Variants in RIBC2 observed in about 807,000 individuals in gnomAD.
The protein encoded by RIBC2 is RIB43A-like with coiled-coils protein 2.
Under a neutral mutation model 44.3 loss-of-function variants are expected in RIBC2, and 40 were observed. The ratio of observed to expected loss-of-function variants is 0.90; its 90% CI spans 0.70 to 1.18. The LOEUF (loss-of-function observed/expected upper bound fraction) is 1.18, where lower values mean the gene tolerates loss of function less well. Among genes scored for constraint, RIBC2 ranks in the 50% most tolerant of loss-of-function variants. RIBC2 has a pLI of 0.00. For synonymous variants in RIBC2, 171 were observed against 175.0 expected, an observed-to-expected ratio of 0.98 and a Z score of 0.18; for missense variants, 459 against 485.5, an observed-to-expected ratio of 0.95 and a Z score of 0.51.
intron 5 of RIBC2, among the ~76,000 whole-genome samples, chr22:45,428,210 A>G (rs1237085769): frequency 6.6e-6 from 1 of 152,216 alleles, no homozygotes; most frequent in East Asian, 1.9e-4. Flanking sequence ...AGGAAGGAGC[A>G]TGTTTGGCAG....
Position 45,430,898 on chromosome 22 carries a change from A to G in RIBC2, c.904-2A>G, listed in dbSNP as rs773395777. ...GTGGTGAGCCGCCTCTTTTCCTTCCAGAGGCTCCAGGAAGAAAAGCGCCAG... is the reference window on the plus strand; with the variant it reads ...GTGGTGAGCCGCCTCTTTTCCTTCCGGAGGCTCCAGGAAGAAAAGCGCCAG... On this transcript the variant is annotated splice_acceptor_variant, in intron 5 of 6. Transcript: ENST00000614167. LOFTEE classifies it high-confidence loss of function. 110 of 1,576,610 alleles carry G rather than the reference A, an allele frequency of 7.0e-5. No individual in the cohort carries two copies. Among genetic ancestry groups the G allele is most frequent in the Non-Finnish European group, 8.4e-5 (98 of 1,160,400 alleles).
rs546305357 is a variant in RIBC2 at position 45,431,712 on chromosome 22, G to A, written c.1071-572G>A. ...GGGCTGGGCTCGGTGGCTCACGCCT[G>A]TAATCCCAGCACTTTGGGAGGCTGA... On this transcript the variant is annotated intron_variant, in intron 6 of 6. Transcript: ENST00000614167. Among the ~76,000 whole-genome samples the A allele has an allele frequency of 2.6e-5, 4 of 152,326 alleles. No individual in the cohort carries two copies. In the East Asian group the frequency reaches 7.7e-4, roughly 29 times the overall value.
rs200207263 is a variant in RIBC2, at chr22:45,421,580, TTAA to T, written c.557-698_557-696del. ...AATAGTATTATTAATAATAGTATTATTAATAATAATAATAGTATTATTAATAAT... is the reference window on the plus strand; with the variant it reads ...AATAGTATTATTAATAATAGTATTATTAATAATAATAGTATTATTAATAAT... On this transcript the variant is annotated intron_variant, in intron 3 of 6. Transcript: ENST00000614167. Among the ~76,000 whole-genome samples, 214 of 27,754 alleles carry T rather than the reference TTAA, an allele frequency of 7.7e-3. 4 individuals carry two copies. In the Middle Eastern group the frequency reaches 0.12, roughly 15 times the overall value. 18.2% of individuals were successfully genotyped at this position (27,754 alleles called of 152,430 possible).
chr22:45,417,470 A>T, intron 2 of RIBC2, 132 bp from the exon 3 acceptor site: 1 of 641,876 alleles, frequency 1.6e-6, no homozygotes, highest in Admixed American at 3.0e-5. Flanking sequence ...AGATGGTTGG[A>T]GGCCAGGAGA....
At chr22:45,425,865 C>A in intron 4 of RIBC2, 83 bp from the exon 5 acceptor site, 1 of 1,190,636 alleles carries the variant, frequency 8.4e-7, no homozygotes, top group Non-Finnish European at 1.2e-6. Flanking sequence ...CCTCGAGGGC[C>A]CCCAGTGAGA....
At position 45,413,862 on chromosome 22, in the gene RIBC2, G is replaced by C; in HGVS notation, c.-25G>C. 6.5e-7 allele frequency: 1 copy of C among 1,532,876 alleles called. No homozygotes were observed. Among genetic ancestry groups the C allele is most frequent in the African/African-American group, 1.4e-5 (1 of 72,540 alleles). 95.0% of individuals were successfully genotyped at this position (1,532,876 alleles called of 1,614,324 possible). A position where few individuals can be genotyped will look rare whatever the true frequency, so the allele number is the denominator to read the frequency against. On this transcript the variant is annotated 5_prime_UTR_variant, in exon 1 of 7. Transcript: ENST00000614167. ...GTCGCCTGTTCTCCTGATCCTGCGTGTTCTAAAAACCCCTTAGGCTTTCCA... is the reference window on the plus strand; with the variant it reads ...GTCGCCTGTTCTCCTGATCCTGCGTCTTCTAAAAACCCCTTAGGCTTTCCA...
In RIBC2 at chr22:45,421,520, A is replaced by ATAGTATTATTAT. The variant is rs2087479962; in HGVS notation, c.557-768_557-767insGTATTATTATTA. 1.1e-4 allele frequency among the ~76,000 whole-genome samples: 4 copies of ATAGTATTATTAT among 37,714 alleles called. 1 individual carries two copies. The African/African-American group carries it at 1.2e-3, about 11-fold the overall frequency. 24.7% of individuals were successfully genotyped at this position (37,714 alleles called of 152,430 possible). On this transcript the variant is annotated intron_variant, in intron 3 of 6. Coordinates refer to ENST00000614167, the MANE Select transcript of RIBC2 (RefSeq NM_015653.5). ...ATTATTAATAATAGTATTATTAATA[A>ATAGTATTATTAT]TAATAATAGTATTATTAATAATATT...
At chr22:45,419,358 A>G (rs147224420) in intron 3 of RIBC2, among the ~76,000 whole-genome samples, 70 of 152,274 alleles carry the variant, frequency 4.6e-4, no homozygotes, top group Non-Finnish European at 8.7e-4. Context: ...GCCCCAGCCC[A>G]GGTAATCTTG....
Position 45,426,093 on chromosome 22 carries a change from T to C in RIBC2, c.821T>C (p.Val274Ala), listed in dbSNP as rs2087531898. Residue 274 changes from valine to alanine, a missense_variant, in exon 5 of 7, where the codon GTC becomes GCC. Val to Ala is a moderately conservative substitution (Grantham distance 64, BLOSUM62 0). Transcript: ENST00000614167. ...AGCTCCTTCGGGCCCCACCGCGTGG[T>C]CCCTGACCGCTGGAAGGGCATGACC... ...AASSFGPHRV[V>A]PDRWKGMTQE... 6.2e-7 allele frequency: 1 copy of C among 1,613,766 alleles called. No individual in the cohort carries two copies. Among genetic ancestry groups the C allele is most frequent in the Non-Finnish European group, 8.5e-7 (1 of 1,179,990 alleles).
intron 4 of RIBC2, among the ~76,000 whole-genome samples, chr22:45,423,766 T>C (rs1001573210): frequency 6.6e-6 from 1 of 152,136 alleles, no homozygotes; most frequent in Non-Finnish European, 1.5e-5. Flanking sequence ...CCCAGTGAGC[T>C]GCAAAGGTCT....
intron 3 of RIBC2, among the ~76,000 whole-genome samples, chr22:45,421,289 A>G (rs9306477): frequency 0.62 from 92,795 of 148,814 alleles, 31,456 homozygotes; most frequent in African/African-American, 0.9. Flanking sequence ...GCGAGACTCC[A>G]TGTCAAATAA....
At chr22:45,414,121 G>A (rs2087392420) in intron 1 of RIBC2, 106 bp downstream of exon 1, 1 of 1,492,596 alleles carries the variant, frequency 6.7e-7, no homozygotes, top group Admixed American at 2.3e-5. Flanking sequence ...TGAGCCAGGA[G>A]GCAGCAAACG....
At chr22:45,427,661 G>C (rs1452121139) in intron 5 of RIBC2, among the ~76,000 whole-genome samples, 1 of 152,226 alleles carries the variant, frequency 6.6e-6, no homozygotes, top group East Asian at 1.9e-4. Flanking sequence ...TTTTGAGACA[G>C]TCTCACTCTA....
chr22:45,428,440 G>T (rs1438084779), intron 5 of RIBC2, among the ~76,000 whole-genome samples: 1 of 152,190 alleles, frequency 6.6e-6, no homozygotes, highest in African/African-American at 2.4e-5. Flanking sequence ...GCAGTAGAGG[G>T]GGAAATTGAT....
chr22:45,432,258 T>C, intron 6 of RIBC2, 26 bp from the exon 7 acceptor site: 1 of 1,153,380 alleles, frequency 8.7e-7, no homozygotes, highest in Non-Finnish European at 1.2e-6. Context: ...TTTGCTGACC[T>C]TTTTTTTTTC....
At position 45,418,543 on chromosome 22, in the gene RIBC2, G is replaced by A. The variant is rs758125613; in HGVS notation, c.556+597G>A. 6.4e-4 allele frequency among the ~76,000 whole-genome samples: 98 copies of A among 152,234 alleles called. 2 individuals carry two copies. The Middle Eastern group carries it at 0.017, about 27-fold the overall frequency. ...CCAGCTCCTCTTCATGCCTGCACTC[G>A]AGCAGCACTGACCCGCCCAGCCACT... On this transcript the variant is annotated intron_variant, in intron 3 of 6. Transcript: ENST00000614167.
chr22:45,430,991 A>G lies in RIBC2; in HGVS notation c.995A>G (p.Gln332Arg). ...GCCACCCTGCTGTTTGAGCGGCAGC[A>G]GTGGCGGCGGCAGCGCGACCTGCGC... ...ARATLLFERQQWRRQRDLRRA... is the reference protein window; with the variant it reads ...ARATLLFERQRWRRQRDLRRA... The change falls in exon 6 of 7, where the codon CAG becomes CGG. Residue 332 changes from glutamine to arginine, a missense_variant. By Grantham distance (43) the Gln-to-Arg change is conservative. Transcript: ENST00000614167. The G allele has an allele frequency of 6.2e-7, 1 of 1,602,790 alleles. No individual in the cohort carries two copies. Among genetic ancestry groups the G allele is most frequent in the South Asian group, 1.1e-5 (1 of 89,284 alleles).
At chr22:45,418,198 A>T in intron 3 of RIBC2, 1 of 337,864 alleles carries the variant, frequency 3.0e-6, no homozygotes, top group South Asian at 7.6e-5. Flanking sequence ...AGTCATGTGG[A>T]AAACACTTTC....
intron 3 of RIBC2, among the ~76,000 whole-genome samples, chr22:45,421,565 T>A (rs1347532301): frequency 2.6e-5 from 3 of 116,874 alleles, no homozygotes; most frequent in African/African-American, 1.0e-4. Flanking sequence ...AATAGTATTA[T>A]TAATAATAGT....
Sources: allele counts gnomAD v4.1 joint callset (sites outside exome capture counted in the v4.1 genomes callset), GRCh38; gene constraint gnomAD v4.1.1; transcripts MANE v1.5; gene names NCBI Gene and HGNC (gene_info 2026-07-23, HGNC 2026-07-21).